The following MCCC2 variants were observed in gnomAD, a reference collection of about 807,000 sequenced individuals.
MCCC2 encodes methylcrotonyl-CoA carboxylase subunit 2, also known as methylcrotonoyl-CoA carboxylase beta chain, mitochondrial.
A neutral mutation model predicts 77.2 loss-of-function variants in MCCC2; 52 were observed. The ratio of observed to expected loss-of-function variants is 0.67; its 90% confidence interval spans 0.54 to 0.85. The LOEUF (loss-of-function observed/expected upper bound fraction) is 0.85. Among genes scored for constraint, MCCC2 ranks in the 40% least tolerant of loss-of-function variants. The pLI is 0.00. For missense variants in MCCC2, 682 were observed against 703.2 expected (o/e 0.97, Z 0.34); for synonymous variants, 253 against 248.4 (o/e 1.02, Z -0.18).
chr5:71,641,341 G>C (rs779869070), intron 11 of MCCC2: 1 of 415,846 alleles, frequency 2.4e-6, no homozygotes, highest in Non-Finnish European at 4.3e-6. Context: ...GTATAAAAAG[G>C]TTCTTATAGT....
At chr5:71,616,098 A>T (rs1746147112) in intron 6 of MCCC2, among the ~76,000 whole-genome samples, 1 of 152,230 alleles carries the variant, frequency 6.6e-6, no homozygotes, top group African/African-American at 2.4e-5. Context: ...AAGTGCTAGG[A>T]AGGTGGTGCA....
At chr5:71,622,514 A>T (rs993947055) in intron 6 of MCCC2, among the ~76,000 whole-genome samples, 1 of 152,194 alleles carries the variant, frequency 6.6e-6, no homozygotes, top group African/African-American at 2.4e-5. Flanking sequence ...GGATATTCAC[A>T]GAGTTGAATG....
chr5:71,598,606 ATTTTTTT>A (rs34190236), intron 3 of MCCC2, among the ~76,000 whole-genome samples: 2 of 115,342 alleles, frequency 1.7e-5, no homozygotes, highest in African/African-American at 3.3e-5. Context: ...CGCCTGGCTA[ATTTTTTT>A]TTTTTTTTTT....
chr5:71,588,441 A>G (rs1744846036), intron 1 of MCCC2, among the ~76,000 whole-genome samples: 2 of 152,234 alleles, frequency 1.3e-5, no homozygotes, highest in South Asian at 2.1e-4. Flanking sequence ...CTATACAGAT[A>G]ACATCTAAAT....
At chr5:71,641,790 G>A (rs1432433365) in intron 11 of MCCC2, among the ~76,000 whole-genome samples, 1 of 152,026 alleles carries the variant, frequency 6.6e-6, no homozygotes, top group Admixed American at 6.6e-5. Flanking sequence ...TACCAGAGTA[G>A]GAAAAAAACT....
In MCCC2 at chr5:71,657,276, G is replaced by A. The variant is rs998626613; in HGVS notation, c.*416G>A. The A allele has an allele frequency of 4.3e-6, 1 of 233,500 alleles. No individual in the cohort carries two copies. The highest frequency in any genetic ancestry group is 1.1e-4 in the East Asian group (1 of 8,738). 14.5% of individuals were successfully genotyped at this position (233,500 alleles called of 1,614,324 possible). A position where few individuals can be genotyped will look rare whatever the true frequency, so the allele number is the denominator to read the frequency against. ...GCGGGCTTATTTTTGAAAGGCATCT[G>A]TTACTTCAGTGGCATAAAGTGCCCT... On this transcript the variant is annotated 3_prime_UTR_variant, in exon 17 of 17. Transcript: ENST00000340941.
intron 7 of MCCC2, among the ~76,000 whole-genome samples, chr5:71,631,635 G>T (rs1746717455): frequency 6.6e-6 from 1 of 151,406 alleles, no homozygotes; most frequent in Admixed American, 6.6e-5. Context: ...CCGCTTCCCG[G>T]GTTCACGCCA....
chr5:71,591,625 C>T (rs908464596), intron 1 of MCCC2, among the ~76,000 whole-genome samples: 1 of 151,940 alleles, frequency 6.6e-6, no homozygotes, highest in Admixed American at 6.6e-5. Flanking sequence ...TTAGTAGAGA[C>T]GAGTTTTCTC....
At chr5:71,610,439 G>A (rs918268598) in intron 6 of MCCC2, among the ~76,000 whole-genome samples, 36 of 152,228 alleles carry the variant, frequency 2.4e-4, no homozygotes, top group South Asian at 8.3e-4. Context: ...CACACGGTGC[G>A]CGCACCCACT....
intron 4 of MCCC2, among the ~76,000 whole-genome samples, chr5:71,600,382 G>A (rs896165697): frequency 6.6e-6 from 1 of 151,246 alleles, no homozygotes; most frequent in South Asian, 2.1e-4. Context: ...GGCTAATCTC[G>A]AACTTCTGGG....
intron 7 of MCCC2, among the ~76,000 whole-genome samples, chr5:71,628,657 C>T (rs1399493894): frequency 2.6e-5 from 4 of 152,068 alleles, no homozygotes; most frequent in Non-Finnish European, 2.9e-5. Flanking sequence ...ATTGAATGGT[C>T]TTGGCAGAAA....
At chr5:71,587,819 C>G (rs1744824264) in intron 1 of MCCC2, among the ~76,000 whole-genome samples, 1 of 152,168 alleles carries the variant, frequency 6.6e-6, no homozygotes, top group African/African-American at 2.4e-5. Context: ...GAATAGCTGC[C>G]TGAGCCCTAC....
chr5:71,630,448 A>G (rs1268026618), intron 7 of MCCC2, among the ~76,000 whole-genome samples: 1 of 152,124 alleles, frequency 6.6e-6, no homozygotes, highest in Non-Finnish European at 1.5e-5. Flanking sequence ...TGGGTGTTCA[A>G]TAAATATTAA....
intron 3 of MCCC2, among the ~76,000 whole-genome samples, chr5:71,599,102 T>C (rs1362287950): frequency 1.3e-5 from 2 of 151,960 alleles, no homozygotes; most frequent in Non-Finnish European, 2.9e-5. Flanking sequence ...GCGTGGTGGC[T>C]CATGCCTGTA....
chr5:71,621,570 G>T (rs1746349421), intron 6 of MCCC2, among the ~76,000 whole-genome samples: 1 of 152,052 alleles, frequency 6.6e-6, no homozygotes, highest in Non-Finnish European at 1.5e-5. Context: ...CTCTAGCCTG[G>T]GCAACAGAGT....
At chr5:71,628,214 C>T (rs968772671) in intron 7 of MCCC2, among the ~76,000 whole-genome samples, 4 of 152,200 alleles carry the variant, frequency 2.6e-5, no homozygotes, top group African/African-American at 4.8e-5. Context: ...CAGATTCTTT[C>T]TCATTTTTAA....
chr5:71,610,540 C>T (rs1233793287), intron 6 of MCCC2, among the ~76,000 whole-genome samples: 6 of 152,198 alleles, frequency 3.9e-5, no homozygotes, highest in African/African-American at 9.6e-5. Context: ...GCGTCGCTCA[C>T]GCTGAGAGCT....
chr5:71,649,371 T>G, intron 14 of MCCC2, 118 bp downstream of exon 14: 1 of 986,222 alleles, frequency 1.0e-6, no homozygotes, highest in Admixed American at 2.1e-5. Flanking sequence ...CAATCAATTA[T>G]ACCGTAATTT....
At chr5:71,616,721 A>G (rs1746166677) in intron 6 of MCCC2, among the ~76,000 whole-genome samples, 1 of 151,848 alleles carries the variant, frequency 6.6e-6, no homozygotes, top group African/African-American at 2.4e-5. Context: ...ATTTTCCCTT[A>G]CTTAATCCTT....
Sources: allele counts gnomAD v4.1 joint callset (sites outside exome capture counted in the v4.1 genomes callset), GRCh38; gene constraint gnomAD v4.1.1; transcripts MANE v1.5; gene names NCBI Gene and HGNC (gene_info 2026-07-23, HGNC 2026-07-21).